The following CALN1 variants were observed in gnomAD, a reference collection of about 807,000 sequenced individuals.
The protein encoded by CALN1 is calcium-binding protein 8.
CALN1 carries 17 observed loss-of-function variants against 30.6 expected under a neutral mutation model. The observed-to-expected ratio is 0.56, with a 90% CI of 0.38 to 0.83. The LOEUF (loss-of-function observed/expected upper bound fraction) is 0.83. CALN1 is among the 40% of genes least tolerant of loss of function. The pLI, the probability that CALN1 is intolerant of heterozygous loss-of-function variation, is 0.00. For missense variants in CALN1, 291 were observed against 354.9 expected (o/e 0.82, Z 1.45); for synonymous variants, 156 against 131.4 (o/e 1.19, Z -1.28).
chr7:71,933,193 T>A (rs1371128916), intron 5 of CALN1, among the ~76,000 whole-genome samples: 1 of 152,024 alleles, frequency 6.6e-6, no homozygotes, highest in African/African-American at 2.4e-5. Context: ...TTGCCAGCCG[T>A]ATGTACAGTA....
chr7:71,902,681 A>G (rs1048997791), intron 5 of CALN1, among the ~76,000 whole-genome samples: 4 of 152,226 alleles, frequency 2.6e-5, no homozygotes, highest in Non-Finnish European at 5.9e-5. Context: ...AACTATATGT[A>G]TAAGTTATAT....
chr7:72,408,373 A>T (rs1164727763), intron 1 of CALN1, among the ~76,000 whole-genome samples: 1 of 151,800 alleles, frequency 6.6e-6, no homozygotes, highest in African/African-American at 2.4e-5. Context: ...TGAACCCGGG[A>T]GGTGGAGGTT....
chr7:72,177,754 A>AGGG lies in CALN1; in HGVS notation c.245-71461_245-71460insCCC, dbSNP rs1562693995. Among the ~76,000 whole-genome samples the AGGG allele has an allele frequency of 7.1e-4, 83 of 117,610 alleles. 1 individual carries two copies. Among genetic ancestry groups the AGGG allele is most frequent in the Admixed American group, 9.5e-4 (11 of 11,574 alleles). 77.2% of individuals were successfully genotyped at this position (117,610 alleles called of 152,430 possible). On this transcript the variant is annotated intron_variant, in intron 3 of 6. Transcript: ENST00000395275. ...CACTCCAGCCTGGGCGACAGAGGGAAAAAAAAAAAAAAAAAAGGACATTTG... is the reference window on the plus strand; with the variant it reads ...CACTCCAGCCTGGGCGACAGAGGGAAGGGAAAAAAAAAAAAAAAAGGACATTTG...
chr7:72,094,733 C>A (rs1806104177), intron 4 of CALN1, among the ~76,000 whole-genome samples: 1 of 152,152 alleles, frequency 6.6e-6, no homozygotes. Context: ...TGGAGAGGAA[C>A]TGCCATGATC....
intron 2 of CALN1, among the ~76,000 whole-genome samples, chr7:72,314,366 C>CATATACAT (rs1554365667): frequency 1.2e-5 from 1 of 81,804 alleles, no homozygotes; most frequent in Admixed American, 1.2e-4. Context: ...TATACATATA[C>CATATACAT]ATATATACAC....
At chr7:71,978,415 G>GCACCC (rs1798215921) in intron 5 of CALN1, among the ~76,000 whole-genome samples, 1 of 151,540 alleles carries the variant, frequency 6.6e-6, no homozygotes, top group African/African-American at 2.4e-5. Context: ...GGGACTACAG[G>GCACCC]CACCCCCCCA....
At chr7:71,963,784 A>G (rs1797388600) in intron 5 of CALN1, among the ~76,000 whole-genome samples, 1 of 152,242 alleles carries the variant, frequency 6.6e-6, no homozygotes. Context: ...CTACACGTAC[A>G]TTAACTCATC....
chr7:72,402,536 G>A (rs1806411709), intron 2 of CALN1, among the ~76,000 whole-genome samples: 1 of 152,170 alleles, frequency 6.6e-6, no homozygotes. Context: ...CTTGATGCCA[G>A]CATCCACAAA....
At chr7:72,068,468 T>G (rs1255763925) in intron 4 of CALN1, among the ~76,000 whole-genome samples, 3 of 151,180 alleles carry the variant, frequency 2.0e-5, no homozygotes, top group Non-Finnish European at 3.0e-5. Flanking sequence ...AACCAAGTCA[T>G]TCCTCCTCTT....
intron 2 of CALN1, among the ~76,000 whole-genome samples, chr7:72,343,025 C>A (rs1465859845): frequency 6.6e-6 from 1 of 152,120 alleles, no homozygotes; most frequent in Non-Finnish European, 1.5e-5. Context: ...AATCGATAAC[C>A]AGGACAAAAT....
rs147857095 is a variant in CALN1, at chr7:71,896,936, G to A, written c.502-86444C>T. ...TGTTTGCCAAGGAGGAAAAAGAAAC[G>A]CGCTGTGGCAGAGGTTTTCCCTATA... On this transcript the variant is annotated intron_variant, in intron 5 of 6. Coordinates refer to ENST00000395275, the MANE Select transcript of CALN1 (RefSeq NM_031468.4). Among the ~76,000 whole-genome samples, 760 of 152,282 alleles carry A rather than the reference G, an allele frequency of 5.0e-3. 6 individuals carry two copies. The highest frequency in any genetic ancestry group is 0.017 in the African/African-American group (727 of 41,554).
At chr7:72,342,194 G>A (rs551013677) in intron 2 of CALN1, among the ~76,000 whole-genome samples, 12 of 148,342 alleles carry the variant, frequency 8.1e-5, no homozygotes, top group Admixed American at 4.1e-4. Context: ...AGGAGTTCGA[G>A]ATTACAGTGA....
At chr7:72,071,501 GA>G (rs113485279) in intron 4 of CALN1, among the ~76,000 whole-genome samples, 28,299 of 151,318 alleles carry the variant, frequency 0.19, 3,084 homozygotes, top group Middle Eastern at 0.27. Context: ...GGAGAAATAA[GA>G]AAAAAAAATC....
At chr7:71,982,944 G>C (rs773535508) in intron 5 of CALN1, among the ~76,000 whole-genome samples, 7 of 152,120 alleles carry the variant, frequency 4.6e-5, no homozygotes, top group East Asian at 1.9e-4. Context: ...TGCCAACCAC[G>C]TGTGCAGTAA....
At chr7:72,186,783 G>A (rs1790221073) in intron 3 of CALN1, among the ~76,000 whole-genome samples, 1 of 151,080 alleles carries the variant, frequency 6.6e-6, no homozygotes, top group African/African-American at 2.4e-5. Flanking sequence ...TGGCGCACAT[G>A]TACCACCTTT....
At chr7:71,874,562 G>C (rs962207466) in intron 5 of CALN1, among the ~76,000 whole-genome samples, 1 of 152,140 alleles carries the variant, frequency 6.6e-6, no homozygotes, top group Non-Finnish European at 1.5e-5. Flanking sequence ...GCGTGGACTG[G>C]GACTGGCTTT....
intron 5 of CALN1, among the ~76,000 whole-genome samples, chr7:71,963,602 G>T (rs905535273): frequency 1.3e-5 from 2 of 152,200 alleles, no homozygotes; most frequent in Non-Finnish European, 2.9e-5. Flanking sequence ...ACCGTGCCCA[G>T]CCTAGGAAAC....
At chr7:71,812,752 TA>T (rs1788029789) in intron 5 of CALN1, among the ~76,000 whole-genome samples, 1 of 152,062 alleles carries the variant, frequency 6.6e-6, no homozygotes, top group African/African-American at 2.4e-5. Flanking sequence ...TTTCTAGTTC[TA>T]TTTTTTTAGA....
chr7:72,048,788 CCTTCCTTTTTTCCTTCCTTCCTT>C (rs1345097685), intron 4 of CALN1, among the ~76,000 whole-genome samples: 3 of 151,258 alleles, frequency 2.0e-5, no homozygotes, highest in Non-Finnish European at 4.4e-5. Flanking sequence ...CTCCCTTCCT[CCTTCCTTTTTTCCTTCCTTCCTT>C]CTCTTTCTTT....
Sources: allele counts gnomAD v4.1 joint callset (sites outside exome capture counted in the v4.1 genomes callset), GRCh38; gene constraint gnomAD v4.1.1; transcripts MANE v1.5; gene names NCBI Gene and HGNC (gene_info 2026-07-23, HGNC 2026-07-21).